Variants in ATP5MF observed in about 807,000 individuals in gnomAD.
The protein encoded by ATP5MF is ATP synthase membrane subunit f, also known as ATP synthase F(0) complex subunit f, mitochondrial.
Under a neutral mutation model 13.8 loss-of-function variants are expected in ATP5MF, and 10 were observed. The ratio of observed to expected loss-of-function variants is 0.72; its 90% CI spans 0.45 to 1.23. The LOEUF is 1.23. Among genes scored for constraint, ATP5MF ranks in the 50% most tolerant of loss-of-function variants. The pLI is 0.00. For missense variants in ATP5MF, 122 were observed against 118.2 expected, an observed-to-expected ratio of 1.03 and a Z score of -0.15; for synonymous variants, 40 against 45.8, an observed-to-expected ratio of 0.87 and a Z score of 0.51.
At chr7:99,465,123 G>C (rs1798801694) in intron 1 of ATP5MF, among the ~76,000 whole-genome samples, 1 of 152,014 alleles carries the variant, frequency 6.6e-6, no homozygotes, top group Non-Finnish European at 1.5e-5. Context: ...AGCTGGGCAT[G>C]GTGGCCTGCG....
chr7:99,462,590 C>A (rs1584533298), intron 1 of ATP5MF, among the ~76,000 whole-genome samples: 1 of 152,184 alleles, frequency 6.6e-6, no homozygotes, highest in East Asian at 1.9e-4. Flanking sequence ...GCCTGGCCAA[C>A]ATAGTGAAAC....
rs891850053 is a variant in ATP5MF, at chr7:99,466,111, C to T, written c.31G>A (p.Val11Ile). The change falls in exon 1 of 4, where the codon GTA becomes ATA. Residue 11 changes from valine (V) to isoleucine (I), a missense_variant and splice_region_variant. Physicochemically the swap from Val to Ile is conservative, Grantham distance 29 (BLOSUM62 3). Coordinates refer to ENST00000292475, the MANE Select transcript of ATP5MF (RefSeq NM_004889.5). MASVGECPAP[V>I]PVKDKKLLEV... ...CACCACGGAGTCCAAACAGCCTTACCTGGGGCCGGACACTCACCAACTGAC... is the reference window on the plus strand; with the variant it reads ...CACCACGGAGTCCAAACAGCCTTACTTGGGGCCGGACACTCACCAACTGAC... 1.2e-6 allele frequency: 2 copies of T among 1,614,162 alleles called. No homozygotes were observed. The highest frequency in any genetic ancestry group is 2.2e-5 in the East Asian group (1 of 44,874).
intron 1 of ATP5MF, among the ~76,000 whole-genome samples, chr7:99,462,100 CTTGT>C (rs906845188): frequency 4.6e-5 from 7 of 151,916 alleles, no homozygotes; most frequent in African/African-American, 1.4e-4. Flanking sequence ...CAATTTACAA[CTTGT>C]TTTTCTTCCT....
intron 1 of ATP5MF, among the ~76,000 whole-genome samples, chr7:99,462,286 A>C (rs1472713690): frequency 2.1e-5 from 2 of 96,436 alleles, no homozygotes; most frequent in East Asian, 2.7e-4. Flanking sequence ...CCCCATCACT[A>C]CTAAAAAAAA....
At chr7:99,461,433 C>T (rs1024220660) in intron 1 of ATP5MF, among the ~76,000 whole-genome samples, 1 of 152,056 alleles carries the variant, frequency 6.6e-6, no homozygotes, top group African/African-American at 2.4e-5. Context: ...GAGTCTAGGA[C>T]CACGGTGCCT....
intron 1 of ATP5MF, among the ~76,000 whole-genome samples, chr7:99,462,469 AAAAC>A (rs1462245412): frequency 2.1e-5 from 3 of 143,266 alleles, no homozygotes; most frequent in Non-Finnish European, 3.0e-5. Context: ...ATCCGTGTCA[AAAAC>A]AAACAAAAAC....
At chr7:99,460,580 G>A (rs937152323) in intron 1 of ATP5MF, 1 of 502,158 alleles carries the variant, frequency 2.0e-6, no homozygotes, top group African/African-American at 1.9e-5. Context: ...TTACCTTAAA[G>A]GAGGGGAGGG....
intron 1 of ATP5MF, chr7:99,460,435 C>T (rs1434115575): frequency 2.9e-6 from 2 of 694,384 alleles, no homozygotes; most frequent in African/African-American, 1.7e-5. Flanking sequence ...GTCTGAGTAA[C>T]AGCTTGCTGG....
At chr7:99,464,617 C>A (rs889988281) in intron 1 of ATP5MF, among the ~76,000 whole-genome samples, 1 of 151,646 alleles carries the variant, frequency 6.6e-6, no homozygotes, top group Non-Finnish European at 1.5e-5. Flanking sequence ...GAGCTGAGAT[C>A]GCGCCACTGC....
Position 99,459,103 on chromosome 7 carries a change from C to A in ATP5MF, c.256+44G>T, listed in dbSNP as rs185512339. ...TATCTAATGAAATCAGTCACCACCA[C>A]CCTCTCATGGGAACTAAAGGCAAGA... is the stretch of plus-strand genomic sequence containing the variant. On this transcript the variant is annotated intron_variant, in intron 3 of 3. Coordinates refer to ENST00000292475, the MANE Select transcript of ATP5MF (RefSeq NM_004889.5). 1.4e-3 allele frequency: 2,108 copies of A among 1,458,950 alleles called. 48 individuals are homozygous for A. In the Admixed American group the frequency reaches 0.034, roughly 23 times the overall value. The allele number at this position is 1,458,950 out of a possible 1,614,324, so 90.4% of individuals were successfully genotyped here.
chr7:99,465,089 G>A (rs537615043), intron 1 of ATP5MF, among the ~76,000 whole-genome samples: 2 of 151,866 alleles, frequency 1.3e-5, no homozygotes, highest in Admixed American at 6.6e-5. Context: ...GTGAAAGCCC[G>A]TCTCTACTAA....
chr7:99,460,033 A>G, intron 2 of ATP5MF, 53 bp downstream of exon 2: 1 of 1,554,954 alleles, frequency 6.4e-7, no homozygotes, highest in Non-Finnish European at 8.7e-7. Context: ...CAAAAAAGAG[A>G]TCTGAAGACC....
chr7:99,464,288 T>C (rs927758167), intron 1 of ATP5MF, among the ~76,000 whole-genome samples: 12 of 152,274 alleles, frequency 7.9e-5, no homozygotes, highest in African/African-American at 2.4e-4. Flanking sequence ...AATGCTATTA[T>C]GCCCATTTTA....
chr7:99,458,821 C>T, intron 3 of ATP5MF: 1 of 344,252 alleles, frequency 2.9e-6, no homozygotes. Flanking sequence ...TCCCACTCAA[C>T]TCATTTCTCT....
intron 2 of ATP5MF, chr7:99,459,639 A>T (rs1231573386): frequency 4.1e-6 from 1 of 243,530 alleles, no homozygotes; most frequent in Non-Finnish European, 8.0e-6. Context: ...GCTGGTCTAA[A>T]CTCGGCTCAA....
At chr7:99,460,294 T>TA in intron 1 of ATP5MF, 101 bp from the exon 2 acceptor site, 1 of 1,300,866 alleles carries the variant, frequency 7.7e-7, no homozygotes, top group Non-Finnish European at 1.1e-6. Flanking sequence ...TAAAGGTGCA[T>TA]AATGCAATTA....
intron 1 of ATP5MF, 116 bp downstream of exon 1, chr7:99,465,995 C>T: frequency 6.4e-7 from 1 of 1,552,900 alleles, no homozygotes; most frequent in Non-Finnish European, 8.8e-7. Context: ...CAAGTGAGGT[C>T]GTGGCGAAGT....
chr7:99,465,627 T>C (rs1798836093), intron 1 of ATP5MF, among the ~76,000 whole-genome samples: 3 of 152,116 alleles, frequency 2.0e-5, no homozygotes, highest in African/African-American at 7.2e-5. Flanking sequence ...CTCGCACGAG[T>C]TGTGACCTTG....
intron 1 of ATP5MF, among the ~76,000 whole-genome samples, chr7:99,461,596 C>A (rs1411395579): frequency 6.6e-6 from 1 of 151,952 alleles, no homozygotes; most frequent in East Asian, 2.0e-4. Context: ...ATAATCCCAG[C>A]ACTTTGGGAG....
Sources: gnomAD v4.1 joint callset for allele counts (sites outside exome capture counted in the v4.1 genomes callset) on GRCh38, gnomAD v4.1.1 for gene constraint, MANE v1.5 for transcripts, NCBI Gene and HGNC (gene_info 2026-07-23, HGNC 2026-07-21) for gene names.